The following NCOA6 variants were observed in gnomAD, a reference collection of about 807,000 sequenced individuals.
NCOA6 encodes the protein NRC RAP250.
Under a neutral mutation model 171.4 loss-of-function variants are expected in NCOA6, and 49 were observed. That is an observed-to-expected ratio of 0.29 (90% CI 0.23 to 0.36). NCOA6 has a LOEUF of 0.36. Ranked by LOEUF, NCOA6 falls within the 10% of genes least tolerant of loss-of-function variation. NCOA6 has a pLI of 1.00. For missense variants in NCOA6, 2,248 were observed against 2,554.5 expected, an observed-to-expected ratio of 0.88 and a Z score of 2.59; for synonymous variants, 910 against 927.5, an observed-to-expected ratio of 0.98 and a Z score of 0.34.
chr20:34,755,895 C>T (rs530881953), intron 7 of NCOA6, among the ~76,000 whole-genome samples: 1 of 152,258 alleles, frequency 6.6e-6, no homozygotes, highest in South Asian at 2.1e-4. Context: ...CACCACCACA[C>T]CCAGCTAATT....
At chr20:34,776,228 AATCATGCT>A in intron 4 of NCOA6, 57 bp downstream of exon 4, 1 of 1,542,850 alleles carries the variant, frequency 6.5e-7, no homozygotes, top group East Asian at 2.3e-5. Context: ...CAGCACAGAA[AATCATGCT>A]ATATTCTACT....
chr20:34,726,685 T>C (rs1438358305), intron 14 of NCOA6, among the ~76,000 whole-genome samples: 1 of 151,764 alleles, frequency 6.6e-6, no homozygotes, highest in Non-Finnish European at 1.5e-5. Context: ...CTCAGGACGC[T>C]GAGGCAGGAG....
At chr20:34,811,435 G>C (rs1394176778) in intron 1 of NCOA6, among the ~76,000 whole-genome samples, 1 of 151,562 alleles carries the variant, frequency 6.6e-6, no homozygotes, top group Non-Finnish European at 1.5e-5. Context: ...TAATAACATT[G>C]TTGATTCTTT....
chr20:34,725,212 T>C (rs1441728248), intron 14 of NCOA6, among the ~76,000 whole-genome samples: 1 of 152,236 alleles, frequency 6.6e-6, no homozygotes, highest in East Asian at 1.9e-4. Flanking sequence ...TTTGGCACCA[T>C]ACTAGGCACC....
At chr20:34,779,395 T>C (rs1248564768) in intron 3 of NCOA6, among the ~76,000 whole-genome samples, 19 of 152,092 alleles carry the variant, frequency 1.2e-4, no homozygotes, top group Admixed American at 1.2e-3. Flanking sequence ...GCGCCTGTAG[T>C]CCCAGCTACT....
At position 34,825,594 on chromosome 20, in the gene NCOA6, GCCCGGCCGCCCGCAGCCCGA is replaced by G. The variant is rs1420400902; in HGVS notation, c.-306_-287del. On this transcript the variant is annotated 5_prime_UTR_variant, in exon 1 of 15. Coordinates refer to ENST00000359003, the MANE Select transcript of NCOA6 (RefSeq NM_014071.5). ...TGCGCCCGTCTGTCCCGCCGCCCGCGCCCGGCCGCCCGCAGCCCGACCCGGCAGGGCCTCACGGAGCCGGC... is the reference window on the plus strand; with the variant it reads ...TGCGCCCGTCTGTCCCGCCGCCCGCGCCCGGCAGGGCCTCACGGAGCCGGC... 5.9e-5 allele frequency: 9 copies of G among 151,290 alleles called. No individual in the cohort carries two copies. Among genetic ancestry groups the G allele is most frequent in the Non-Finnish European group, 1.2e-4 (8 of 67,936 alleles). The allele number at this position is 151,290 out of a possible 1,614,324, so 9.4% of individuals were successfully genotyped here.
chr20:34,772,137 T>C (rs559044390), intron 4 of NCOA6, among the ~76,000 whole-genome samples: 1 of 152,180 alleles, frequency 6.6e-6, no homozygotes, highest in South Asian at 2.1e-4. Flanking sequence ...ACTAGCGACA[T>C]GGTGAGACCC....
Position 34,741,860 on chromosome 20 carries a change from C to T in NCOA6, c.4396G>A (p.Asp1466Asn), listed in dbSNP as rs778767586. ...DQSKKDGQPS[D>N]PNKLPSVEEN... ...TCGACACTGGGAAGTTTGTTAGGAT[C>T]CGAAGGCTGCCCATCCTTTTTGGAC... Residue 1466 changes from aspartate to asparagine, a missense_variant, in exon 11 of 15, where the codon GAT (aspartate) becomes AAT (asparagine). By Grantham distance (23) the Asp-to-Asn change is conservative. Around this residue, in one of 7 missense-constraint regions of NCOA6, gnomAD observed 884 missense variants for 941.9 expected, o/e 0.94. Coordinates refer to ENST00000359003, the MANE Select transcript of NCOA6 (RefSeq NM_014071.5). 1.9e-6 allele frequency: 3 copies of T among 1,614,186 alleles called. No individual in the cohort carries two copies. The highest frequency in any genetic ancestry group is 2.2e-5 in the South Asian group (2 of 91,086).
rs534130214 is a variant in NCOA6 at position 34,798,589 on chromosome 20, G to T, written c.-163-6026C>A. 6.6e-4 allele frequency among the ~76,000 whole-genome samples: 101 copies of T among 152,340 alleles called. 1 individual carries two copies. Among genetic ancestry groups the T allele is most frequent in the African/African-American group, 2.3e-3 (95 of 41,590 alleles). ...GTGGGGTGGCCACAGGGGTGCTTGT[G>T]TAACCTCTCCCCTAGCTCCAGGTAG... is the stretch of plus-strand genomic sequence containing the variant. On this transcript the variant is annotated intron_variant, in intron 1 of 14. Coordinates refer to ENST00000359003, the MANE Select transcript of NCOA6 (RefSeq NM_014071.5).
chr20:34,741,477 G>A lies in NCOA6; in HGVS notation c.4779C>T (p.Pro1593=). 6.2e-7 allele frequency: 1 copy of A among 1,614,162 alleles called. No homozygotes were observed. Among genetic ancestry groups the A allele is most frequent in the South Asian group, 1.1e-5 (1 of 91,078 alleles). The change falls in exon 11 of 15, where the codon CCC becomes CCT. Residue 1593 remains proline, a synonymous_variant. Transcript: ENST00000359003. The stretch of plus-strand genomic sequence containing the variant: ...TGACAAATACAGTTATTTGATTTGG[G>A]GGCAAGGGAGTGGAAATGGAGGAAG... The part of the protein sequence containing the change: ...VSSSSISTPL[P]PNQITVFVTS...
At chr20:34,808,130 C>G (rs62211615) in intron 1 of NCOA6, among the ~76,000 whole-genome samples, 145 of 151,078 alleles carry the variant, frequency 9.6e-4, no homozygotes, top group Middle Eastern at 3.4e-3. Flanking sequence ...AGCCTGGTAA[C>G]AGAGCGAGAT....
chr20:34,802,370 G>C (rs1172795663), intron 1 of NCOA6, among the ~76,000 whole-genome samples: 2 of 152,224 alleles, frequency 1.3e-5, no homozygotes, highest in African/African-American at 2.4e-5. Flanking sequence ...GGGAGGCCGA[G>C]GCAGTCGGAT....
intron 12 of NCOA6, among the ~76,000 whole-genome samples, chr20:34,735,287 C>G (rs555404356): frequency 2.0e-5 from 3 of 152,168 alleles, no homozygotes; most frequent in Non-Finnish European, 2.9e-5. Flanking sequence ...TGCTCCATTC[C>G]TACCCTTCTC....
chr20:34,770,702 A>T (rs957296530), intron 4 of NCOA6, among the ~76,000 whole-genome samples: 5 of 150,618 alleles, frequency 3.3e-5, no homozygotes, highest in South Asian at 2.1e-4. Context: ...GCGATCTCGG[A>T]TCACTGTAAC....
chr20:34,716,426 TA>T (rs1263730522), intron 14 of NCOA6, among the ~76,000 whole-genome samples: 4 of 152,262 alleles, frequency 2.6e-5, no homozygotes, highest in Admixed American at 6.5e-5. Flanking sequence ...TGTTTTAACT[TA>T]ATCTTATGCC....
At position 34,743,316 on chromosome 20, in the gene NCOA6, C is replaced by G. The variant is rs1410896714; in HGVS notation, c.2940G>C (p.Gln980His). Residue 980 changes from glutamine (Q) to histidine (H), a missense_variant, in exon 11 of 15, where the codon CAG becomes CAC. This residue lies in a region of NCOA6 where 352 missense variants were observed against 419.1 expected (regional missense o/e 0.84). Transcript: ENST00000359003. ...GAGGAGGCATCTGCTGAAGTGGCCT[C>G]TGTTCAACTGGTTGAGAAGGATAAC... Reference protein sequence around the residue: ...PPGYPSQPVEQRPLQQMPPQL... With the variant: ...PPGYPSQPVEHRPLQQMPPQL... The G allele has an allele frequency of 1.2e-5, 19 of 1,608,436 alleles. No homozygotes were observed. Among genetic ancestry groups the G allele is most frequent in the Non-Finnish European group, 1.7e-6 (2 of 1,175,920 alleles).
intron 5 of NCOA6, among the ~76,000 whole-genome samples, chr20:34,767,372 T>C (rs2077011069): frequency 6.6e-6 from 1 of 152,164 alleles, no homozygotes; most frequent in Non-Finnish European, 1.5e-5. Context: ...CTCGGCTCAC[T>C]GCAACCTCCA....
At position 34,776,373 on chromosome 20, in the gene NCOA6, G is replaced by C. The variant is rs1169999436; in HGVS notation, c.311C>G (p.Ala104Gly). ...AGCAAGGATCCGTAGCCGCTCCGCTGCTTCCCGGGGGATGTTGAATGTCAC... is the reference window on the plus strand; with the variant it reads ...AGCAAGGATCCGTAGCCGCTCCGCTCCTTCCCGGGGGATGTTGAATGTCAC... Reference protein sequence around the residue: ...VRVTFNIPREAAERLRILAQS... With the variant: ...VRVTFNIPREGAERLRILAQS... Residue 104 changes from alanine (A) to glycine (G), a missense_variant, in exon 4 of 15, where the codon GCA becomes GGA. Ala to Gly is a moderately conservative substitution (Grantham distance 60, BLOSUM62 0). Coordinates refer to ENST00000359003, the MANE Select transcript of NCOA6 (RefSeq NM_014071.5). The C allele has an allele frequency of 6.2e-7, 1 of 1,614,202 alleles. No homozygotes were observed.
At chr20:34,765,689 T>C (rs2076962702) in intron 5 of NCOA6, among the ~76,000 whole-genome samples, 1 of 152,144 alleles carries the variant, frequency 6.6e-6, no homozygotes, top group African/African-American at 2.4e-5. Context: ...GCTACTGGCA[T>C]CTGGTGGGTA....
Sources: gnomAD v4.1 joint callset for allele counts (sites outside exome capture counted in the v4.1 genomes callset) on GRCh38, gnomAD v4.1.1 for gene constraint, gnomAD v4.1.1 regional missense constraint, MANE v1.5 for transcripts, NCBI Gene and HGNC (gene_info 2026-07-23, HGNC 2026-07-21) for gene names.